Variants in CTSD observed in about 807,000 individuals in gnomAD.
CTSD encodes cathepsin D.
Under a neutral mutation model 43.6 loss-of-function variants are expected in CTSD, and 28 were observed. The observed-to-expected ratio is 0.64, with a 90% CI of 0.48 to 0.88. The LOEUF (loss-of-function observed/expected upper bound fraction) is 0.88. Ranked by LOEUF, CTSD falls within the 40% of genes least tolerant of loss-of-function variation. The pLI, the probability that CTSD is intolerant of heterozygous loss-of-function variation, is 0.00. For synonymous variants in CTSD, 270 were observed against 249.8 expected (o/e 1.08, Z -0.76); for missense variants, 485 against 555.2 (o/e 0.87, Z 1.27).
chr11:1,756,654 G>A (rs911197582), intron 5 of CTSD, among the ~76,000 whole-genome samples: 2 of 149,366 alleles, frequency 1.3e-5, no homozygotes, highest in Non-Finnish European at 3.0e-5. Flanking sequence ...CCTCCACTCA[G>A]GTCTGCCCCG....
chr11:1,755,010 A>T lies in CTSD; in HGVS notation c.723T>A (p.Pro241=). The T allele has an allele frequency of 4.3e-6, 7 of 1,613,888 alleles. No individual in the cohort carries two copies. The highest frequency in any genetic ancestry group is 5.9e-6 in the Non-Finnish European group (7 of 1,179,900). Residue 241 remains proline (P), a synonymous_variant, in exon 6 of 9, where the codon CCT becomes CCA. Transcript: ENST00000236671. ...TGCCACCCAGCATCAGCTCACCCCC[A>T]GGCTGCGCATCTGGGTCCCTAGGAG... ...FYLSRDPDAQ[P]GGELMLGGTD...
chr11:1,757,091 C>T lies in CTSD; in HGVS notation c.704+233G>A, dbSNP rs2292962. On this transcript the variant is annotated intron_variant, in intron 5 of 8. Transcript: ENST00000236671. Reference sequence around the variant, plus strand: ...AGGTCCCAGGACCCACAGCCTGGCCCGAGCCCCTCCCACTGGGAGACCCCG... The same window carrying T: ...AGGTCCCAGGACCCACAGCCTGGCCTGAGCCCCTCCCACTGGGAGACCCCG... Among the ~76,000 whole-genome samples the T allele has an allele frequency of 0.15, 22,216 of 152,242 alleles. 1,744 individuals carry two copies. The highest frequency in any genetic ancestry group is 0.2 in the Middle Eastern group (59 of 294).
Position 1,758,950 on chromosome 11 carries a change from A to T in CTSD, c.471+19T>A. Reference sequence around the variant, plus strand: ...CCCTGGCACCCTCGAGTCCTGGGAAAGGCCCCAGAGGGACTCACCGACACA... The same window carrying T: ...CCCTGGCACCCTCGAGTCCTGGGAATGGCCCCAGAGGGACTCACCGACACA... On this transcript the variant is annotated intron_variant, in intron 4 of 8. Transcript: ENST00000236671. 1.3e-6 allele frequency: 2 copies of T among 1,539,876 alleles called. No individual in the cohort carries two copies. Among genetic ancestry groups the T allele is most frequent in the Non-Finnish European group, 1.8e-6 (2 of 1,112,586 alleles).
intron 5 of CTSD, 26 bp from the exon 6 acceptor site, chr11:1,755,054 T>C (rs375139121): frequency 2.5e-6 from 4 of 1,613,356 alleles, no homozygotes; most frequent in Non-Finnish European, 2.5e-6. Flanking sequence ...AGGAGTCAGC[T>C]GCCACGCCAC....
At chr11:1,760,757 T>C (rs1389163528) in intron 2 of CTSD, 4 of 171,418 alleles carry the variant, frequency 2.3e-5, no homozygotes, top group Non-Finnish European at 5.1e-5. Context: ...TCCCCCACAG[T>C]GGGCCAGAGC....
At chr11:1,756,893 C>T (rs893928931) in intron 5 of CTSD, among the ~76,000 whole-genome samples, 37 of 152,210 alleles carry the variant, frequency 2.4e-4, no homozygotes, top group African/African-American at 7.5e-4. Context: ...GTCACCTCCC[C>T]GGGGATCCCC....
At position 1,753,301 on chromosome 11, in the gene CTSD, C is replaced by A; in HGVS notation, c.*202G>T. The A allele has an allele frequency of 1.6e-6, 1 of 645,114 alleles. No homozygotes were observed. The highest frequency in any genetic ancestry group is 2.8e-6 in the Non-Finnish European group (1 of 359,910). 40.0% of individuals were successfully genotyped at this position (645,114 alleles called of 1,614,324 possible). ...CCCACCAAACAGATGGAGAGACAGA[C>A]AGGCAGGCAGCATTTCTGAACCCAG... On this transcript the variant is annotated 3_prime_UTR_variant, in exon 9 of 9. Coordinates refer to ENST00000236671, the MANE Select transcript of CTSD (RefSeq NM_001909.5).
Position 1,754,990 on chromosome 11 carries a change from C to T in CTSD, c.743G>A (p.Gly248Asp). 6.2e-7 allele frequency: 1 copy of T among 1,613,908 alleles called. No individual in the cohort carries two copies. The highest frequency in any genetic ancestry group is 8.5e-7 in the Non-Finnish European group (1 of 1,179,912). The change falls in exon 6 of 9, where the codon GGT (glycine) becomes GAT (aspartate). Residue 248 changes from glycine (G) to aspartate (D), a missense_variant. Coordinates refer to ENST00000236671, the MANE Select transcript of CTSD (RefSeq NM_001909.5). ...CTTGTAATACTTGGAGTCTGTGCCA[C>T]CCAGCATCAGCTCACCCCCAGGCTG... ...DAQPGGELML[G>D]GTDSKYYKGS...
At chr11:1,760,192 G>A (rs1845858214) in intron 2 of CTSD, among the ~76,000 whole-genome samples, 2 of 152,228 alleles carry the variant, frequency 1.3e-5, no homozygotes, top group Non-Finnish European at 2.9e-5. Flanking sequence ...GAGAAGGTAA[G>A]CCTTACAATC....
chr11:1,758,703 A>T (rs978746667), intron 4 of CTSD, among the ~76,000 whole-genome samples: 2 of 152,038 alleles, frequency 1.3e-5, no homozygotes, highest in African/African-American at 4.8e-5. Context: ...AGCCCGATCG[A>T]TCTGCCCTGT....
At chr11:1,759,270 C>A (rs181023618) in intron 3 of CTSD, among the ~76,000 whole-genome samples, 183 bp from the exon 4 acceptor site, 1 of 152,192 alleles carries the variant, frequency 6.6e-6, no homozygotes, top group Non-Finnish European at 1.5e-5. Flanking sequence ...GGCTGTGACC[C>A]CGGGCCTCCC....
At chr11:1,756,680 C>G (rs888303174) in intron 5 of CTSD, among the ~76,000 whole-genome samples, 1 of 151,684 alleles carries the variant, frequency 6.6e-6, no homozygotes, top group Non-Finnish European at 1.5e-5. Flanking sequence ...AGGAAACTAA[C>G]TGAGTCCGAC....
In CTSD at chr11:1,759,508, T is replaced by A. The variant is rs944771031; in HGVS notation, c.352+8A>T. ...ACCTGGGCGACGGGGCCAGGGTTCG[T>A]GACTCACAGCAAGCGATGTCCAGCA... is the stretch of plus-strand genomic sequence containing the variant. On this transcript the variant is annotated splice_region_variant and intron_variant, in intron 3 of 8. Coordinates refer to ENST00000236671, the MANE Select transcript of CTSD (RefSeq NM_001909.5). 96 of 1,613,094 alleles carry A rather than the reference T, an allele frequency of 6.0e-5. No individual in the cohort carries two copies. The highest frequency in any genetic ancestry group is 7.9e-5 in the Non-Finnish European group (93 of 1,179,962).
intron 1 of CTSD, chr11:1,761,727 A>C: frequency 3.6e-6 from 2 of 552,470 alleles, no homozygotes; most frequent in Non-Finnish European, 6.6e-6. Context: ...CCACACACCC[A>C]ACCTGGGGGC....
chr11:1,754,338 C>A, intron 6 of CTSD, 200 bp from the exon 7 acceptor site: 1 of 478,570 alleles, frequency 2.1e-6, no homozygotes, highest in Non-Finnish European at 3.8e-6. Context: ...GGGAGACCCT[C>A]AGGTGGTGGT....
rs1298809540 is a variant in CTSD at position 1,752,896 on chromosome 11, C to G, written c.*607G>C. Reference sequence around the variant, plus strand: ...AACCCCACCTCCAGGCCAATACATGCCCCTGGGACTGGCTCAGTCCCAGCA... The same window carrying G: ...AACCCCACCTCCAGGCCAATACATGGCCCTGGGACTGGCTCAGTCCCAGCA... On this transcript the variant is annotated 3_prime_UTR_variant, in exon 9 of 9. Transcript: ENST00000236671. 4.9e-5 allele frequency: 8 copies of G among 164,230 alleles called. No individual in the cohort carries two copies. The highest frequency in any genetic ancestry group is 1.9e-4 in the African/African-American group (8 of 41,628). 10.2% of individuals were successfully genotyped at this position (164,230 alleles called of 1,614,324 possible).
chr11:1,756,016 G>GCAC (rs1448403972), intron 5 of CTSD, among the ~76,000 whole-genome samples: 1 of 152,014 alleles, frequency 6.6e-6, no homozygotes, highest in Non-Finnish European at 1.5e-5. Context: ...ACAACCATGT[G>GCAC]CACCTCCCCC....
rs1332849801 is a variant in CTSD, at chr11:1,757,577, A to G, written c.472-21T>C. 2.5e-6 allele frequency: 4 copies of G among 1,584,510 alleles called. No homozygotes were observed. In the African/African-American group the frequency reaches 4.0e-5, roughly 16 times the overall value. ...GGCACCTGCAGGCCAGGGCAGAGTC[A>G]GTGGGCAGCAGACAGGCTGAGCCCT... is the stretch of plus-strand genomic sequence containing the variant. On this transcript the variant is annotated intron_variant, in intron 4 of 8. Transcript: ENST00000236671.
intron 6 of CTSD, among the ~76,000 whole-genome samples, chr11:1,754,534 G>A (rs1565019475): frequency 4.6e-5 from 1 of 21,906 alleles, no homozygotes; most frequent in Non-Finnish European, 1.3e-4. Flanking sequence ...AGGGGATGGA[G>A]GGATGGAGGG....
Sources: allele counts gnomAD v4.1 joint callset (sites outside exome capture counted in the v4.1 genomes callset), GRCh38; gene constraint gnomAD v4.1.1; transcripts MANE v1.5; gene names NCBI Gene and HGNC (gene_info 2026-07-23, HGNC 2026-07-21).